RAP1GAP: variants seen among roughly 807,000 people sequenced by gnomAD.
RAP1GAP encodes RAP1 GTPase activating protein.
Under a neutral mutation model 87.2 loss-of-function variants are expected in RAP1GAP, and 35 were observed. That is an observed-to-expected ratio of 0.40 (90% CI 0.31 to 0.53). RAP1GAP has a LOEUF of 0.53. RAP1GAP is among the 20% of genes least tolerant of loss of function. RAP1GAP has a pLI of 0.48. For missense variants in RAP1GAP, 734 were observed against 898.9 expected, an observed-to-expected ratio of 0.82 and a Z score of 2.35; for synonymous variants, 375 against 363.9, an observed-to-expected ratio of 1.03 and a Z score of -0.35.
intron 1 of RAP1GAP, among the ~76,000 whole-genome samples, chr1:21,666,033 G>C (rs1571573922): frequency 6.6e-6 from 1 of 152,256 alleles, no homozygotes; most frequent in African/African-American, 2.4e-5. Context: ...GGGCCACACA[G>C]CCAGCAAGAG....
chr1:21,662,326 C>A (rs2097181727), intron 1 of RAP1GAP, among the ~76,000 whole-genome samples: 1 of 152,164 alleles, frequency 6.6e-6, no homozygotes, highest in Non-Finnish European at 1.5e-5. Context: ...CAGGCATAAT[C>A]ATGATAATTA....
chr1:21,601,950 C>A (rs773014189), intron 19 of RAP1GAP, among the ~76,000 whole-genome samples, 153 bp from the exon 20 acceptor site: 9 of 152,214 alleles, frequency 5.9e-5, no homozygotes, highest in Non-Finnish European at 1.0e-4. Context: ...CTTGTGGGCT[C>A]CCTGGCTAGC....
chr1:21,646,528 C>A lies in RAP1GAP; in HGVS notation c.-113+3233G>T, dbSNP rs143772272. The stretch of plus-strand genomic sequence containing the variant: ...GGACTGATGCCATGATTTAATGAGA[C>A]CTTCAGAGTAAAATGCCTGGCATGC... On this transcript the variant is annotated intron_variant, in intron 2 of 24. Transcript: ENST00000374765. Among the ~76,000 whole-genome samples, 49 of 152,350 alleles carry A rather than the reference C, an allele frequency of 3.2e-4. No individual in the cohort carries two copies. The East Asian group carries it at 6.2e-3, about 19-fold the overall frequency.
chr1:21,611,805 T>C lies in RAP1GAP; in HGVS notation c.624A>G (p.Glu208=). Residue 208 remains glutamate, a synonymous_variant, in exon 12 of 25, where the codon GAA becomes GAG. Transcript: ENST00000374765. ...TTTCCTCATTGGTGCTGAAGAGTTCTTCCTCGGAGGTCTGGGGATGAGGGG... is the reference window on the plus strand; with the variant it reads ...TTTCCTCATTGGTGCTGAAGAGTTCCTCCTCGGAGGTCTGGGGATGAGGGG... ...IYQKLGQTSE[E]ELFSTNEESP... is the part of the protein sequence containing the mutation. 6.2e-7 allele frequency: 1 copy of C among 1,612,880 alleles called. No individual in the cohort carries two copies. Among genetic ancestry groups the C allele is most frequent in the Non-Finnish European group, 8.5e-7 (1 of 1,178,806 alleles).
rs543496935 is a variant in RAP1GAP, at chr1:21,668,177, G to C, written c.-149+1077C>G. Among the ~76,000 whole-genome samples the C allele has an allele frequency of 1.3e-5, 2 of 152,266 alleles. No individual in the cohort carries two copies. Among genetic ancestry groups the C allele is most frequent in the East Asian group, 3.9e-4 (2 of 5,186 alleles). ...AGGAGGGACCACTACCTGTGCAGGG[G>C]GGGCCAGGAGCCTCCTGAGAGCCTC... On this transcript the variant is annotated intron_variant, in intron 1 of 24. Coordinates refer to ENST00000374765, the MANE Select transcript of RAP1GAP (RefSeq NM_002885.4). This position sits in a 1 kb window ranked among gnomAD's most constrained non-coding sequence, Gnocchi z 6.2.
chr1:21,665,467 A>G (rs191737496), intron 1 of RAP1GAP: 1 of 274,030 alleles, frequency 3.6e-6, no homozygotes, highest in Non-Finnish European at 7.6e-6. Context: ...TGCTCATTAA[A>G]TGCTTAGTGA....
chr1:21,620,116 G>GC, intron 3 of RAP1GAP, 66 bp from the exon 4 acceptor site: 1 of 1,579,268 alleles, frequency 6.3e-7, no homozygotes. Flanking sequence ...GTCTCCACCC[G>GC]CCCCGGCCCT....
chr1:21,603,184 T>C lies in RAP1GAP; in HGVS notation c.1429-271A>G. The C allele has an allele frequency of 2.2e-6, 1 of 458,190 alleles. No homozygotes were observed. Among genetic ancestry groups the C allele is most frequent in the East Asian group, 3.5e-5 (1 of 28,246 alleles). The allele number at this position is 458,190 out of a possible 1,614,324, so 28.4% of individuals were successfully genotyped here. ...GGACAGCATCCTGAGGGGGCTAGGGTGGGAGGAGGCCGAGTCCTCAGAATG... is the reference window on the plus strand; with the variant it reads ...GGACAGCATCCTGAGGGGGCTAGGGCGGGAGGAGGCCGAGTCCTCAGAATG... On this transcript the variant is annotated intron_variant, in intron 18 of 24. Coordinates refer to ENST00000374765, the MANE Select transcript of RAP1GAP (RefSeq NM_002885.4). The surrounding 1 kb of genome is among the most constrained non-coding windows in gnomAD (Gnocchi z 6.0).
intron 1 of RAP1GAP, among the ~76,000 whole-genome samples, chr1:21,656,323 G>T (rs1242072762): frequency 6.6e-6 from 1 of 150,874 alleles, no homozygotes; most frequent in Non-Finnish European, 1.5e-5. Context: ...GGAGGCTGAG[G>T]CAGGAGAATC....
intron 1 of RAP1GAP, among the ~76,000 whole-genome samples, chr1:21,664,694 C>T (rs563282694): frequency 1.1e-4 from 16 of 152,128 alleles, no homozygotes; most frequent in Non-Finnish European, 1.8e-4. Context: ...TTTGGAAATG[C>T]GAAGTTACGG....
chr1:21,660,974 C>T (rs1188087064), intron 1 of RAP1GAP, among the ~76,000 whole-genome samples: 1 of 151,964 alleles, frequency 6.6e-6, no homozygotes, highest in East Asian at 1.9e-4. Context: ...ATGGCTGGGG[C>T]GCGGTGGCTC....
At chr1:21,649,968 T>G (rs1261246401) in intron 1 of RAP1GAP, among the ~76,000 whole-genome samples, 172 bp from the exon 2 acceptor site, 1 of 151,516 alleles carries the variant, frequency 6.6e-6, no homozygotes, top group African/African-American at 2.4e-5. Flanking sequence ...GTCGCCTGAC[T>G]GTCAGATTAG....
Position 21,651,856 on chromosome 1 carries a change from G to A in RAP1GAP, c.-148-2060C>T, listed in dbSNP as rs916191221. 2.8e-5 allele frequency: 30 copies of A among 1,088,330 alleles called. No individual in the cohort carries two copies. In the African/African-American group the frequency reaches 4.6e-4, roughly 17 times the overall value. 67.4% of individuals were successfully genotyped at this position (1,088,330 alleles called of 1,614,324 possible). ...CGCCGCCGCCCGGCCCGGCCCGCGC[G>A]AGCCGGAGCCGCCTTCCCGCGCCCG... On this transcript the variant is annotated intron_variant, in intron 1 of 24. Transcript: ENST00000374765.
In RAP1GAP at chr1:21,635,723, C is replaced by T. The variant is rs931304886; in HGVS notation, c.-112-9326G>A. 4.1e-4 allele frequency among the ~76,000 whole-genome samples: 62 copies of T among 152,226 alleles called. 1 individual carries two copies. Among genetic ancestry groups the T allele is most frequent in the African/African-American group, 1.4e-3 (60 of 41,460 alleles). On this transcript the variant is annotated intron_variant, in intron 2 of 24. Coordinates refer to ENST00000374765, the MANE Select transcript of RAP1GAP (RefSeq NM_002885.4). The stretch of plus-strand genomic sequence containing the variant: ...TCCCCAGGCGGGGTGACCACCCAGG[C>T]CAAGGCGAAACCCCCACGGGGATAG...
chr1:21,659,266 C>T (rs552209102), intron 1 of RAP1GAP, among the ~76,000 whole-genome samples: 2 of 152,308 alleles, frequency 1.3e-5, no homozygotes, highest in South Asian at 4.2e-4. Context: ...GTCTCGGGCG[C>T]CACCAATTGG....
chr1:21,606,311 C>T, intron 17 of RAP1GAP, 114 bp from the exon 18 acceptor site: 1 of 1,409,486 alleles, frequency 7.1e-7, no homozygotes, highest in Non-Finnish European at 9.5e-7. Flanking sequence ...CTGGGTAAGC[C>T]CTGGAAATCC....
chr1:21,619,008 C>T lies in RAP1GAP; in HGVS notation c.66+17G>A, dbSNP rs1163193851. The T allele has an allele frequency of 6.3e-7, 1 of 1,590,290 alleles. No homozygotes were observed. Among genetic ancestry groups the T allele is most frequent in the Non-Finnish European group, 8.6e-7 (1 of 1,166,728 alleles). On this transcript the variant is annotated intron_variant, in intron 5 of 24. Coordinates refer to ENST00000374765, the MANE Select transcript of RAP1GAP (RefSeq NM_002885.4). ...TCCACCCCCTAGAGAGGGAGGCAGA[C>T]TGCCAGGCCCACCTACTTTGAGGGG...
chr1:21,658,054 T>C (rs1458803465), intron 1 of RAP1GAP, among the ~76,000 whole-genome samples: 1 of 152,194 alleles, frequency 6.6e-6, no homozygotes, highest in Non-Finnish European at 1.5e-5. Context: ...AAAGCTACGC[T>C]GGTGAGAGTC....
chr1:21,608,124 G>A lies in RAP1GAP; in HGVS notation c.1296+89C>T, dbSNP rs1266548843. The A allele has an allele frequency of 3.4e-6, 5 of 1,488,714 alleles. No individual in the cohort carries two copies. The African/African-American group carries it at 7.0e-5, about 21-fold the overall frequency. 92.2% of individuals were successfully genotyped at this position (1,488,714 alleles called of 1,614,324 possible). A position where few individuals can be genotyped will look rare whatever the true frequency, so the allele number is the denominator to read the frequency against. On this transcript the variant is annotated intron_variant, in intron 17 of 24. Coordinates refer to ENST00000374765, the MANE Select transcript of RAP1GAP (RefSeq NM_002885.4). ...CCCTTCTGCCAGACTCCACCCCCAC[G>A]CCGTGTCCATCAGTCTATCAGCCTC...
Sources: gnomAD v4.1 joint callset for allele counts (sites outside exome capture counted in the v4.1 genomes callset) on GRCh38, gnomAD v4.1.1 for gene constraint, Gnocchi (gnomAD v3.1) non-coding constraint, MANE v1.5 for transcripts, NCBI Gene and HGNC (gene_info 2026-07-23, HGNC 2026-07-21) for gene names.